NRXN1: variants seen among roughly 807,000 people sequenced by gnomAD.
NRXN1 encodes the protein neurexin 1.
Under a neutral mutation model 150.9 loss-of-function variants are expected in NRXN1, and 39 were observed. The ratio of observed to expected loss-of-function variants is 0.26; its 90% confidence interval spans 0.20 to 0.34. NRXN1 has a LOEUF of 0.34. Among genes scored for constraint, NRXN1 ranks in the 10% least tolerant of loss-of-function variants. NRXN1 has a pLI of 1.00. For synonymous variants in NRXN1, 924 were observed against 757.0 expected (o/e 1.22, Z -3.62); for missense variants, 1,815 against 1,949.9 (o/e 0.93, Z 1.30).
intron 5 of NRXN1, among the ~76,000 whole-genome samples, chr2:50,890,659 C>G (rs1221055073): frequency 6.6e-6 from 1 of 151,584 alleles, no homozygotes; most frequent in East Asian, 1.9e-4. Flanking sequence ...ACTTTTTATT[C>G]TTCTTAAAAT....
chr2:50,373,791 G>T (rs1349204891), intron 17 of NRXN1, among the ~76,000 whole-genome samples: 9 of 151,998 alleles, frequency 5.9e-5, no homozygotes, highest in Admixed American at 3.3e-4. Context: ...ACTGAGGATG[G>T]TATTAAAATC....
intron 18 of NRXN1, among the ~76,000 whole-genome samples, chr2:50,134,338 A>G (rs1008575316): frequency 6.6e-6 from 1 of 152,100 alleles, no homozygotes; most frequent in Non-Finnish European, 1.5e-5. Context: ...TTTCTAACAG[A>G]AATGCATGGC....
intron 18 of NRXN1, among the ~76,000 whole-genome samples, chr2:50,170,651 A>T (rs919375746): frequency 2.6e-5 from 4 of 151,994 alleles, no homozygotes; most frequent in African/African-American, 4.8e-5. Flanking sequence ...CATATTTGGG[A>T]TGCTCAAATA....
intron 9 of NRXN1, 49 bp from the exon 10 acceptor site, chr2:50,538,685 GTTATAATT>G: frequency 7.3e-7 from 1 of 1,376,092 alleles, no homozygotes; most frequent in Non-Finnish European, 9.5e-7. Context: ...GCACCAACGT[GTTATAATT>G]ATCTTTCTCT....
chr2:50,683,541 A>T (rs1196858483), intron 5 of NRXN1, among the ~76,000 whole-genome samples: 1 of 145,966 alleles, frequency 6.9e-6, no homozygotes, highest in East Asian at 2.1e-4. Context: ...CTGAGACAGG[A>T]TAATGGTGTG....
At chr2:50,822,010 AT>A (rs1379335688) in intron 5 of NRXN1, among the ~76,000 whole-genome samples, 1 of 152,170 alleles carries the variant, frequency 6.6e-6, no homozygotes, top group East Asian at 1.9e-4. Flanking sequence ...ATAGGAAAAC[AT>A]TTTAAACACT....
intron 19 of NRXN1, among the ~76,000 whole-genome samples, chr2:50,086,830 GA>G (rs1698843703): frequency 1.4e-5 from 2 of 147,670 alleles, no homozygotes; most frequent in Non-Finnish European, 2.9e-5. Context: ...ATGAGAGAGA[GA>G]GAGAGAGAGA....
intron 17 of NRXN1, among the ~76,000 whole-genome samples, chr2:50,365,087 G>A (rs2079494290): frequency 6.6e-6 from 1 of 151,998 alleles, no homozygotes; most frequent in Admixed American, 6.6e-5. Flanking sequence ...TAACAGGGAA[G>A]AATTTGAACT....
At chr2:50,833,716 G>C (rs982042113) in intron 5 of NRXN1, among the ~76,000 whole-genome samples, 2 of 152,180 alleles carry the variant, frequency 1.3e-5, no homozygotes, top group Non-Finnish European at 2.9e-5. Flanking sequence ...CTTGTATCCT[G>C]ACTGTAGTGG....
intron 17 of NRXN1, among the ~76,000 whole-genome samples, chr2:50,239,893 G>C (rs2065858481): frequency 1.3e-5 from 2 of 150,318 alleles, no homozygotes; most frequent in East Asian, 3.9e-4. Context: ...TTTAAAAAGA[G>C]AAAAATAACA....
chr2:50,509,736 T>C (rs537464883), intron 12 of NRXN1, among the ~76,000 whole-genome samples: 1 of 152,352 alleles, frequency 6.6e-6, no homozygotes, highest in Admixed American at 6.5e-5. Context: ...CAGGATTTCC[T>C]TTCCTTTGGG....
At chr2:50,654,037 T>TA (rs1240946239) in intron 5 of NRXN1, among the ~76,000 whole-genome samples, 1 of 149,460 alleles carries the variant, frequency 6.7e-6, no homozygotes, top group Non-Finnish European at 1.5e-5. Flanking sequence ...TCTTTTTCTC[T>TA]TTTTTTTTAT....
chr2:50,186,659 TG>T (rs2061093173), intron 18 of NRXN1, among the ~76,000 whole-genome samples: 1 of 152,066 alleles, frequency 6.6e-6, no homozygotes, highest in Non-Finnish European at 1.5e-5. Flanking sequence ...AAATTTCCTT[TG>T]CTGTGCATCA....
chr2:50,975,791 A>C (rs1040955146), intron 2 of NRXN1, among the ~76,000 whole-genome samples: 2 of 151,998 alleles, frequency 1.3e-5, no homozygotes, highest in African/African-American at 4.8e-5. Context: ...CCAGTCAATC[A>C]AACTACCCCA....
intron 21 of NRXN1, among the ~76,000 whole-genome samples, chr2:49,987,960 T>C (rs1444405569): frequency 6.6e-6 from 1 of 152,118 alleles, no homozygotes; most frequent in Non-Finnish European, 1.5e-5. Flanking sequence ...TCAGTTTGAA[T>C]TGATTTGAAG....
chr2:50,740,992 T>G (rs1333231650), intron 5 of NRXN1, among the ~76,000 whole-genome samples: 1 of 152,116 alleles, frequency 6.6e-6, no homozygotes, highest in Non-Finnish European at 1.5e-5. Context: ...CCAGTGCAAA[T>G]TAACTCCTAC....
intron 5 of NRXN1, among the ~76,000 whole-genome samples, chr2:50,635,679 CTAACCTCTTCAT>C (rs1262082854): frequency 6.6e-6 from 1 of 152,148 alleles, no homozygotes; most frequent in Non-Finnish European, 1.5e-5. Flanking sequence ...GTAAAAAAAG[CTAACCTCTTCAT>C]TAACAATATG....
chr2:50,472,152 TA>T, intron 16 of NRXN1, 145 bp downstream of exon 16: 3 of 570,732 alleles, frequency 5.3e-6, no homozygotes, highest in Non-Finnish European at 5.5e-6. Flanking sequence ...GTTTATGAGA[TA>T]AAAAATTAAA....
chr2:50,555,737 G>A (rs1210809215), intron 8 of NRXN1, among the ~76,000 whole-genome samples: 3 of 152,136 alleles, frequency 2.0e-5, no homozygotes, highest in Admixed American at 6.5e-5. Context: ...AAATACAGCA[G>A]AATATGGTAT....
Sources: gnomAD v4.1 joint callset for allele counts (sites outside exome capture counted in the v4.1 genomes callset) on GRCh38, gnomAD v4.1.1 for gene constraint, MANE v1.5 for transcripts, NCBI Gene and HGNC (gene_info 2026-07-23, HGNC 2026-07-21) for gene names.